Variants in CSMD1 observed in about 807,000 individuals in gnomAD.
CSMD1 encodes CUB and sushi domain-containing protein 1.
CSMD1 carries 213 observed loss-of-function variants against 417.5 expected under a neutral mutation model. The observed-to-expected ratio is 0.51, with a 90% CI of 0.46 to 0.57. The LOEUF (loss-of-function observed/expected upper bound fraction) is 0.57, where lower values mean the gene tolerates loss of function less well. Ranked by LOEUF, CSMD1 falls within the 20% of genes least tolerant of loss-of-function variation. CSMD1 has a pLI of 0.00. For missense variants in CSMD1, 6,923 were observed against 4,529.7 expected (o/e 1.53, Z -15.17); for synonymous variants, 2,862 against 1,736.8 (o/e 1.65, Z -16.11).
chr8:3,945,057 C>T (rs912232603), intron 5 of CSMD1, among the ~76,000 whole-genome samples: 4 of 152,022 alleles, frequency 2.6e-5, no homozygotes, highest in South Asian at 2.1e-4. Context: ...TCTATAATCC[C>T]TCATTTTATA....
At chr8:4,426,846 C>G (rs1046962938) in intron 2 of CSMD1, among the ~76,000 whole-genome samples, 1 of 150,492 alleles carries the variant, frequency 6.6e-6, no homozygotes, top group South Asian at 2.1e-4. Context: ...ATATTATGTA[C>G]TATATTATAG....
chr8:4,834,977 AAAAGAAAGAAAGAAAG>A (rs1162672231), intron 1 of CSMD1, among the ~76,000 whole-genome samples: 22 of 32,260 alleles, frequency 6.8e-4, no homozygotes, highest in African/African-American at 1.2e-3. Context: ...AAAAAAAAAA[AAAAGAAAGAAAGAAAG>A]AAAGAAAGAA....
intron 3 of CSMD1, among the ~76,000 whole-genome samples, chr8:4,304,548 G>C (rs537013773): frequency 6.6e-6 from 1 of 152,124 alleles, no homozygotes; most frequent in Non-Finnish European, 1.5e-5. Flanking sequence ...AGCTCATCGT[G>C]ATAATCAATT....
At chr8:3,928,187 G>A (rs1001715246) in intron 5 of CSMD1, among the ~76,000 whole-genome samples, 24 of 152,154 alleles carry the variant, frequency 1.6e-4, no homozygotes, top group Non-Finnish European at 2.8e-4. Context: ...AAAAGAACAT[G>A]AGAATGATGT....
chr8:3,832,485 T>C (rs187000504), intron 5 of CSMD1, among the ~76,000 whole-genome samples: 57 of 152,342 alleles, frequency 3.7e-4, no homozygotes, highest in Non-Finnish European at 6.3e-4. Flanking sequence ...TCTAAATGTG[T>C]ATCCACATTT....
intron 2 of CSMD1, among the ~76,000 whole-genome samples, chr8:4,478,526 A>C (rs2130109589): frequency 6.6e-6 from 1 of 152,342 alleles, no homozygotes; most frequent in East Asian, 1.9e-4. Context: ...ATCAAAGAAA[A>C]TTTAATACAC....
chr8:3,067,358 T>C lies in CSMD1; in HGVS notation c.7475-14711A>G, dbSNP rs117483875. On this transcript the variant is annotated intron_variant, in intron 49 of 69. Coordinates refer to ENST00000635120, the MANE Select transcript of CSMD1 (RefSeq NM_033225.6). Reference sequence around the variant, plus strand: ...TCGATGCCTCCCCGCACTCCAAGCATAGCCATCTCATCATAGTCCACTGTA... The same window carrying C: ...TCGATGCCTCCCCGCACTCCAAGCACAGCCATCTCATCATAGTCCACTGTA... Among the ~76,000 whole-genome samples the C allele has an allele frequency of 5.1e-3, 782 of 152,226 alleles. 10 individuals are homozygous for C. Among genetic ancestry groups the C allele is most frequent in the Non-Finnish European group, 7.9e-3 (534 of 68,006 alleles).
chr8:4,079,473 A>T (rs555938093), intron 3 of CSMD1, among the ~76,000 whole-genome samples: 1 of 152,366 alleles, frequency 6.6e-6, no homozygotes, highest in South Asian at 2.1e-4. Context: ...TTCTATCATC[A>T]TAAAGCATGC....
In CSMD1 at chr8:4,420,002, G is replaced by C. The variant is rs745967499; in HGVS notation, c.366C>G (p.Phe122Leu). 6.3e-7 allele frequency: 1 copy of C among 1,588,992 alleles called. No individual in the cohort carries two copies. Among genetic ancestry groups the C allele is most frequent in the South Asian group, 1.2e-5 (1 of 86,808 alleles). The change falls in exon 3 of 70, where the codon TTC becomes TTG. Residue 122 changes from phenylalanine (F) to leucine (L), a missense_variant. Phe to Leu is a conservative substitution (Grantham distance 22). Transcript: ENST00000635120. ...GGGCACTCACAGCGAAGTCTGTCGT[G>C]AACCACAGAGTGAGGATAGATCCTG... is the stretch of plus-strand genomic sequence containing the variant. Reference protein sequence around the residue: ...VSTGSILTLWFTTDFAVSAQG... With the variant: ...VSTGSILTLWLTTDFAVSAQG...
intron 1 of CSMD1, among the ~76,000 whole-genome samples, chr8:4,836,913 G>A (rs1563544437): frequency 6.6e-6 from 1 of 152,164 alleles, no homozygotes; most frequent in Non-Finnish European, 1.5e-5. Flanking sequence ...GGTTGCTGCT[G>A]TGTAGAGTTC....
At chr8:4,501,191 T>C (rs1298798072) in intron 2 of CSMD1, among the ~76,000 whole-genome samples, 1 of 152,124 alleles carries the variant, frequency 6.6e-6, no homozygotes, top group African/African-American at 2.4e-5. Context: ...TATGTGTATA[T>C]ATACACATAT....
intron 1 of CSMD1, among the ~76,000 whole-genome samples, chr8:4,809,999 G>C (rs537978256): frequency 1.3e-4 from 20 of 152,296 alleles, no homozygotes; most frequent in African/African-American, 4.3e-4. Flanking sequence ...GGAATATCAA[G>C]TGAATATATG....
chr8:4,188,093 G>C (rs1443131214), intron 3 of CSMD1, among the ~76,000 whole-genome samples: 2 of 152,074 alleles, frequency 1.3e-5, no homozygotes, highest in African/African-American at 2.4e-5. Flanking sequence ...ACTGCTGGCA[G>C]GATGCACGAC....
intron 5 of CSMD1, among the ~76,000 whole-genome samples, chr8:3,889,551 A>ATGTG (rs547131931): frequency 2.3e-5 from 2 of 86,352 alleles, no homozygotes; most frequent in African/African-American, 6.2e-5. Context: ...ATATGTGTAT[A>ATGTG]TGTGTGTCTG....
chr8:3,456,028 G>C (rs146362275), intron 12 of CSMD1, among the ~76,000 whole-genome samples: 1,703 of 152,222 alleles, frequency 0.011, 40 homozygotes, highest in African/African-American at 0.04. Flanking sequence ...CCCTCCCCCA[G>C]CCTCGCCGCC....
intron 3 of CSMD1, among the ~76,000 whole-genome samples, chr8:4,262,803 C>T (rs189153678): frequency 1.3e-5 from 2 of 152,236 alleles, no homozygotes; most frequent in African/African-American, 4.8e-5. Context: ...CCACCAGATA[C>T]CCAGAGACAA....
intron 3 of CSMD1, among the ~76,000 whole-genome samples, chr8:4,193,399 G>A (rs886472082): frequency 2.0e-5 from 3 of 151,614 alleles, no homozygotes; most frequent in Non-Finnish European, 4.4e-5. Flanking sequence ...AATATTCCTG[G>A]GCTTCCAAGT....
chr8:4,133,493 G>C (rs962802567), intron 3 of CSMD1, among the ~76,000 whole-genome samples: 7 of 152,134 alleles, frequency 4.6e-5, no homozygotes, highest in African/African-American at 1.7e-4. Context: ...TAGAAGAAAA[G>C]CCTGCCCTGC....
rs181736315 is a variant in CSMD1, at chr8:3,242,608, C to T, written c.4154-12377G>A. 5.5e-3 allele frequency among the ~76,000 whole-genome samples: 838 copies of T among 152,052 alleles called. 7 individuals are homozygous for T. Among genetic ancestry groups the T allele is most frequent in the African/African-American group, 0.019 (767 of 41,456 alleles). Reference sequence around the variant, plus strand: ...AGCGGCATTGCAGAGGAATATAAGGCATTTAGGTTTTAGGTCAGGTGACAG... The same window carrying T: ...AGCGGCATTGCAGAGGAATATAAGGTATTTAGGTTTTAGGTCAGGTGACAG... On this transcript the variant is annotated intron_variant, in intron 26 of 69. Transcript: ENST00000635120.
Sources: gnomAD v4.1 joint callset for allele counts (sites outside exome capture counted in the v4.1 genomes callset) on GRCh38, gnomAD v4.1.1 for gene constraint, MANE v1.5 for transcripts, NCBI Gene and HGNC (gene_info 2026-07-23, HGNC 2026-07-21) for gene names.